DCUN1D1: variants seen among roughly 807,000 people sequenced by gnomAD.
The protein encoded by DCUN1D1 is defective in cullin neddylation 1 domain containing 1.
DCUN1D1 carries 3 observed loss-of-function variants against 39.0 expected under a neutral mutation model. The ratio of observed to expected loss-of-function variants is 0.08; its 90% CI spans 0.04 to 0.20. The LOEUF is 0.20. DCUN1D1 is among the 10% of genes least tolerant of loss of function. DCUN1D1 has a pLI of 1.00. For missense variants in DCUN1D1, 158 were observed against 302.4 expected, an observed-to-expected ratio of 0.52 and a Z score of 3.54; for synonymous variants, 82 against 96.3, an observed-to-expected ratio of 0.85 and a Z score of 0.87.
intron 1 of DCUN1D1, among the ~76,000 whole-genome samples, chr3:182,973,051 A>G (rs941880882): frequency 3.3e-5 from 5 of 151,416 alleles, no homozygotes; most frequent in East Asian, 1.9e-4. Context: ...TCAAAAAAAA[A>G]GGGGGGGGCT....
intron 4 of DCUN1D1, among the ~76,000 whole-genome samples, chr3:182,951,333 A>G (rs909447115): frequency 2.6e-5 from 4 of 152,178 alleles, no homozygotes; most frequent in African/African-American, 9.6e-5. Flanking sequence ...TCAAATAAGT[A>G]CTAACCATGT....
intron 1 of DCUN1D1, among the ~76,000 whole-genome samples, chr3:182,966,396 C>T (rs1727669597): frequency 6.6e-6 from 1 of 152,114 alleles, no homozygotes; most frequent in African/African-American, 2.4e-5. Flanking sequence ...AAAATTTCCT[C>T]ATATCCTATC....
At chr3:182,945,330 T>C (rs1319650726) in intron 6 of DCUN1D1, among the ~76,000 whole-genome samples, 157 bp from the exon 7 acceptor site, 1 of 152,218 alleles carries the variant, frequency 6.6e-6, no homozygotes, top group African/African-American at 2.4e-5. Context: ...AAACTCAAAC[T>C]TTTTGGAGTT....
At chr3:182,947,020 G>A (rs750240672) in intron 6 of DCUN1D1, among the ~76,000 whole-genome samples, 4 of 152,092 alleles carry the variant, frequency 2.6e-5, no homozygotes, top group Non-Finnish European at 4.4e-5. Flanking sequence ...GAGGACTGCT[G>A]AGCCCAGGAG....
In DCUN1D1 at chr3:182,957,937, CAA is replaced by C. The variant is rs34998390; in HGVS notation, c.520+3287_520+3288del. 7.1e-3 allele frequency among the ~76,000 whole-genome samples: 480 copies of C among 67,458 alleles called. 3 individuals carry two copies. The highest frequency in any genetic ancestry group is 0.029 in the African/African-American group (456 of 15,492). 44.3% of individuals were successfully genotyped at this position (67,458 alleles called of 152,430 possible). A position where few individuals can be genotyped will look rare whatever the true frequency, so the allele number is the denominator to read the frequency against. On this transcript the variant is annotated intron_variant, in intron 4 of 6. Transcript: ENST00000292782. ...TGGGCAACAGAGCAAGACCCTGCAT[CAA>C]AAAAAAAAAAAAAAAAAAAAAACAG...
chr3:182,975,175 ATTTT>A (rs769384130), intron 1 of DCUN1D1, among the ~76,000 whole-genome samples: 2 of 138,628 alleles, frequency 1.4e-5, no homozygotes, highest in African/African-American at 2.7e-5. Flanking sequence ...TTAACACAGA[ATTTT>A]TTTTTTTTTT....
intron 4 of DCUN1D1, among the ~76,000 whole-genome samples, chr3:182,950,102 T>G (rs1044957046): frequency 1.3e-5 from 2 of 152,194 alleles, no homozygotes; most frequent in Non-Finnish European, 2.9e-5. Flanking sequence ...CAACTTTACC[T>G]TGTTCTCTGG....
chr3:182,954,373 T>C (rs1401412578), intron 4 of DCUN1D1, among the ~76,000 whole-genome samples: 1 of 152,130 alleles, frequency 6.6e-6, no homozygotes, highest in East Asian at 1.9e-4. Flanking sequence ...ACAAAGCTAA[T>C]TTATATCGTT....
chr3:182,963,849 T>C (rs762135046), intron 3 of DCUN1D1, 32 bp downstream of exon 3: 1 of 1,507,718 alleles, frequency 6.6e-7, no homozygotes, highest in Non-Finnish European at 9.0e-7. Flanking sequence ...CACAGTAACA[T>C]ATCTAATTTC....
At chr3:182,963,452 T>C (rs946088811) in intron 3 of DCUN1D1, among the ~76,000 whole-genome samples, 2 of 152,168 alleles carry the variant, frequency 1.3e-5, no homozygotes, top group African/African-American at 4.8e-5. Flanking sequence ...AATCAATTTA[T>C]CCAAAGACAT....
chr3:182,972,875 T>G (rs1395168944), intron 1 of DCUN1D1, among the ~76,000 whole-genome samples: 2 of 152,162 alleles, frequency 1.3e-5, no homozygotes, highest in African/African-American at 4.8e-5. Context: ...AAACCCCATC[T>G]CGACTAAGAA....
chr3:182,965,423 T>A, intron 2 of DCUN1D1, 114 bp downstream of exon 2: 2 of 580,690 alleles, frequency 3.4e-6, no homozygotes, highest in East Asian at 2.8e-5. Context: ...TCTACAGACC[T>A]CTATTGGACA....
At chr3:182,977,916 T>C (rs372491382) in intron 1 of DCUN1D1, among the ~76,000 whole-genome samples, 13 of 151,752 alleles carry the variant, frequency 8.6e-5, no homozygotes, top group African/African-American at 2.7e-4. Context: ...GGCGGGCACC[T>C]ATAATCCCAG....
At chr3:182,946,793 A>C (rs1726433634) in intron 6 of DCUN1D1, among the ~76,000 whole-genome samples, 2 of 152,156 alleles carry the variant, frequency 1.3e-5, no homozygotes, top group South Asian at 4.1e-4. Context: ...AAATGTATGA[A>C]GGTATTTCAT....
intron 1 of DCUN1D1, among the ~76,000 whole-genome samples, chr3:182,975,350 G>A (rs1201485834): frequency 6.6e-6 from 1 of 151,676 alleles, no homozygotes; most frequent in Non-Finnish European, 1.5e-5. Context: ...CTAATTTTTT[G>A]TATTTTTAGC....
chr3:182,976,340 CCAGTATCCTTA>C (rs1471210652), intron 1 of DCUN1D1, among the ~76,000 whole-genome samples: 4 of 151,902 alleles, frequency 2.6e-5, no homozygotes, highest in African/African-American at 9.7e-5. Context: ...GGATAAAAGC[CCAGTATCCTTA>C]CAGTGTCCAC....
At chr3:182,952,381 A>G (rs977228156) in intron 4 of DCUN1D1, among the ~76,000 whole-genome samples, 2 of 152,104 alleles carry the variant, frequency 1.3e-5, no homozygotes, top group African/African-American at 2.4e-5. Context: ...TTTCAAACCT[A>G]TATCATTTTT....
chr3:182,972,579 G>A (rs542444534), intron 1 of DCUN1D1, among the ~76,000 whole-genome samples: 3 of 152,092 alleles, frequency 2.0e-5, no homozygotes, highest in Admixed American at 6.5e-5. Flanking sequence ...AGTTCAAGAC[G>A]AGCCTGGGCA....
chr3:182,947,005 G>A (rs1437819774), intron 6 of DCUN1D1, among the ~76,000 whole-genome samples: 1 of 152,152 alleles, frequency 6.6e-6, no homozygotes, highest in East Asian at 1.9e-4. Flanking sequence ...GGGAGGCTGA[G>A]GCAGGAGGAC....
Sources: gnomAD v4.1 joint callset for allele counts (sites outside exome capture counted in the v4.1 genomes callset) on GRCh38, gnomAD v4.1.1 for gene constraint, MANE v1.5 for transcripts, NCBI Gene and HGNC (gene_info 2026-07-23, HGNC 2026-07-21) for gene names.